The following SPEG variants were observed in gnomAD, a reference collection of about 807,000 sequenced individuals.
SPEG encodes the protein striated muscle preferentially expressed protein kinase.
A neutral mutation model predicts 300.4 loss-of-function variants in SPEG; 114 were observed. That is an observed-to-expected ratio of 0.38 (90% CI 0.33 to 0.44). The LOEUF is 0.44. SPEG is among the 20% of genes least tolerant of loss of function. The pLI is 1.00. For missense variants in SPEG, 4,201 were observed against 4,586.2 expected (o/e 0.92, Z 2.43); for synonymous variants, 1,964 against 2,018.9 (o/e 0.97, Z 0.73).
chr2:219,479,690 C>T lies in SPEG; in HGVS notation c.5086-93C>T, dbSNP rs952336633. On this transcript the variant is annotated intron_variant, in intron 23 of 40. Coordinates refer to ENST00000312358, the MANE Select transcript of SPEG (RefSeq NM_005876.5). This position sits in a 1 kb window ranked among gnomAD's most constrained non-coding sequence, Gnocchi z 5.5. ...CCTTCCACGAGCCATCTGAAGGCTA[C>T]TCCACAGGCACAGCCGGACCGCTTG... The T allele has an allele frequency of 4.3e-6, 5 of 1,168,732 alleles. No individual in the cohort carries two copies. The African/African-American group carries it at 7.5e-5, about 18-fold the overall frequency. The allele number at this position is 1,168,732 out of a possible 1,614,324, so 72.4% of individuals were successfully genotyped here.
Position 219,444,122 on chromosome 2 carries a change from C to G in SPEG, c.389-531C>G. On this transcript the variant is annotated intron_variant, in intron 1 of 40. Transcript: ENST00000312358. This position sits in a 1 kb window ranked among gnomAD's most constrained non-coding sequence, Gnocchi z 7.8. Reference sequence around the variant, plus strand: ...CCCCTTTCCCACCCGGCCCCGGCCTCTCCTCACCCTGCCTCAGCTGCACCC... The same window carrying G: ...CCCCTTTCCCACCCGGCCCCGGCCTGTCCTCACCCTGCCTCAGCTGCACCC... 3 of 1,199,954 alleles carry G rather than the reference C, an allele frequency of 2.5e-6. No individual in the cohort carries two copies. The South Asian group carries it at 3.7e-5, about 15-fold the overall frequency. The allele number at this position is 1,199,954 out of a possible 1,614,324, so 74.3% of individuals were successfully genotyped here. A position where few individuals can be genotyped will look rare whatever the true frequency, so the allele number is the denominator to read the frequency against.
At position 219,473,733 on chromosome 2, in the gene SPEG, G is replaced by T. The variant is rs767867853; in HGVS notation, c.4277G>T (p.Arg1426Leu). ...VEAQVVWRSC[R>L]GALLEARAGV... Reference sequence around the variant, plus strand: ...CCCTGTCATGTGTCCCCTAGCTGCCGAGGGGCCCTCCTAGAGGCACGGGCC... The same window carrying T: ...CCCTGTCATGTGTCCCCTAGCTGCCTAGGGGCCCTCCTAGAGGCACGGGCC... The change falls in exon 18 of 41, where the codon CGA becomes CTA. Residue 1426 changes from arginine (R) to leucine (L), a missense_variant. This residue lies in a region of SPEG where 1,047 missense variants were observed against 1,356.8 expected (regional missense o/e 0.77). Transcript: ENST00000312358. The surrounding 1 kb of genome is among the most constrained non-coding windows in gnomAD (Gnocchi z 4.6). 2.5e-6 allele frequency: 4 copies of T among 1,612,842 alleles called. 1 individual carries two copies. Among genetic ancestry groups the T allele is most frequent in the Non-Finnish European group, 3.4e-6 (4 of 1,179,240 alleles).
At chr2:219,460,281 T>A in intron 6 of SPEG, 1 of 984,600 alleles carries the variant, frequency 1.0e-6, no homozygotes, top group Non-Finnish European at 1.2e-6. Context: ...AGGGCAAAGA[T>A]CTTGACAGTT....
chr2:219,463,244 G>A (rs1371023987), intron 8 of SPEG, among the ~76,000 whole-genome samples: 1 of 152,010 alleles, frequency 6.6e-6, no homozygotes, highest in Non-Finnish European at 1.5e-5. Flanking sequence ...TTGTTTCTGA[G>A]CTGCCAGCAG....
chr2:219,480,616 C>T lies in SPEG; in HGVS notation c.5343-55C>T. ...AGGTCAGCAGTAGCAAAGAACTGCT[C>T]CCTTCCAGTCAGAGAGGGGCGGTCC... On this transcript the variant is annotated intron_variant, in intron 25 of 40. Transcript: ENST00000312358. This position sits in a 1 kb window ranked among gnomAD's most constrained non-coding sequence, Gnocchi z 5.3. The T allele has an allele frequency of 6.3e-7, 1 of 1,595,704 alleles. No individual in the cohort carries two copies. Among genetic ancestry groups the T allele is most frequent in the South Asian group, 1.1e-5 (1 of 90,734 alleles).
Position 219,479,787 on chromosome 2 carries a change from G to A in SPEG, c.5090G>A (p.Arg1697Gln), listed in dbSNP as rs1005172516. 2.3e-5 allele frequency: 37 copies of A among 1,613,690 alleles called. No individual in the cohort carries two copies. The highest frequency in any genetic ancestry group is 1.3e-4 in the East Asian group (6 of 44,890). ...CTGGGCCCACTATTTCCACAGATCC[G>A]GGCCTATATGCGGCAGGTGCTAGAG... ...RKPTVCESEI[R>Q]AYMRQVLEGI... The change falls in exon 24 of 41, where the codon CGG (arginine) becomes CAG (glutamine). Residue 1697 changes from arginine to glutamine, a missense_variant. Physicochemically the swap from Arg to Gln is conservative, Grantham distance 43. Around this residue, in one of 4 missense-constraint regions of SPEG, gnomAD observed 1,047 missense variants for 1,356.8 expected, o/e 0.77. Transcript: ENST00000312358. The surrounding 1 kb of genome is among the most constrained non-coding windows in gnomAD (Gnocchi z 5.5).
In SPEG at chr2:219,484,676, C is replaced by T. The variant is rs975412602; in HGVS notation, c.7213C>T (p.Leu2405Phe). Residue 2405 changes from leucine to phenylalanine, a missense_variant, in exon 30 of 41, where the codon CTC (leucine) becomes TTC (phenylalanine). By Grantham distance (22) the Leu-to-Phe change is conservative (BLOSUM62 0). This residue lies in a region of SPEG where 1,578 missense variants were observed against 1,506.0 expected (regional missense o/e 1.05). Coordinates refer to ENST00000312358, the MANE Select transcript of SPEG (RefSeq NM_005876.5). ...CCTCAGGGCTGTCGGAGAGCCTGGCCTCGTCCGCCGCCTCTCGCTGTCACT... is the reference window on the plus strand; with the variant it reads ...CCTCAGGGCTGTCGGAGAGCCTGGCTTCGTCCGCCGCCTCTCGCTGTCACT... ...QDLRAVGEPG[L>F]VRRLSLSLSQ... 3 of 1,521,888 alleles carry T rather than the reference C, an allele frequency of 2.0e-6. No individual in the cohort carries two copies. Among genetic ancestry groups the T allele is most frequent in the Non-Finnish European group, 2.6e-6 (3 of 1,142,448 alleles). 94.3% of individuals were successfully genotyped at this position (1,521,888 alleles called of 1,614,324 possible). A position where few individuals can be genotyped will look rare whatever the true frequency, so the allele number is the denominator to read the frequency against.
intron 9 of SPEG, chr2:219,465,804 T>G: frequency 1.7e-6 from 1 of 594,358 alleles, no homozygotes; most frequent in Non-Finnish European, 3.0e-6. Flanking sequence ...TGCCTGTGCG[T>G]GCATGTGTGC....
intron 9 of SPEG, chr2:219,465,952 TGTGTGC>T: frequency 4.4e-6 from 4 of 906,134 alleles, no homozygotes; most frequent in South Asian, 1.5e-5. Flanking sequence ...TGTGCGTGCA[TGTGTGC>T]GTGTGCATGC....
chr2:219,491,039 A>C, intron 38 of SPEG, 83 bp downstream of exon 38: 1 of 1,004,232 alleles, frequency 1.0e-6, no homozygotes, highest in Non-Finnish European at 1.5e-6. Flanking sequence ...CTTCACTTAC[A>C]TATGTGCCAC....
chr2:219,491,717 A>AGCACCCAGGGACCTCCCCC (rs1473479692), intron 38 of SPEG, 77 bp from the exon 39 acceptor site: 12 of 1,146,790 alleles, frequency 1.0e-5, no homozygotes, highest in African/African-American at 1.5e-5. Flanking sequence ...CTGCTGCTCA[A>AGCACCCAGGGACCTCCCCC]GCACCCAGGG....
chr2:219,476,737 C>T, intron 18 of SPEG, 133 bp from the exon 19 acceptor site: 1 of 574,296 alleles, frequency 1.7e-6, no homozygotes, highest in Non-Finnish European at 2.9e-6. Flanking sequence ...GGGGTGGTGG[C>T]TTGCAGGGAG....
Position 219,464,337 on chromosome 2 carries a change from A to T in SPEG, c.2706-96A>T. The T allele has an allele frequency of 7.6e-7, 1 of 1,316,486 alleles. No individual in the cohort carries two copies. Among genetic ancestry groups the T allele is most frequent in the East Asian group, 2.3e-5 (1 of 42,758 alleles). 81.6% of individuals were successfully genotyped at this position (1,316,486 alleles called of 1,614,324 possible). A position where few individuals can be genotyped will look rare whatever the true frequency, so the allele number is the denominator to read the frequency against. Reference sequence around the variant, plus strand: ...GATCTGGGGACTGGGCAAACTGCACAGGGAAGGAGAGGCCTGCACAGTGCT... The same window carrying T: ...GATCTGGGGACTGGGCAAACTGCACTGGGAAGGAGAGGCCTGCACAGTGCT... On this transcript the variant is annotated intron_variant, in intron 8 of 40. Transcript: ENST00000312358. This position sits in a 1 kb window ranked among gnomAD's most constrained non-coding sequence, Gnocchi z 4.5.
intron 29 of SPEG, 122 bp from the exon 30 acceptor site, chr2:219,482,976 C>T: frequency 7.1e-7 from 1 of 1,408,966 alleles, no homozygotes; most frequent in Non-Finnish European, 9.8e-7. Flanking sequence ...CCATGCCTAG[C>T]TTCCTGCCTG....
chr2:219,478,197 A>C, intron 22 of SPEG, 92 bp downstream of exon 22: 2 of 1,121,610 alleles, frequency 1.8e-6, no homozygotes, highest in Non-Finnish European at 2.6e-6. Flanking sequence ...ACAGTTTACA[A>C]AGTAGTCCCA....
intron 1 of SPEG, among the ~76,000 whole-genome samples, chr2:219,442,634 A>C (rs1575037443): frequency 1.2e-4 from 3 of 24,988 alleles, no homozygotes; most frequent in African/African-American, 1.6e-4. Context: ...CTTGACACCT[A>C]CCCAGGTTTC....
rs749098240 is a variant in SPEG, at chr2:219,485,492, G to A, written c.7741+15G>A. 2.6e-6 allele frequency: 4 copies of A among 1,542,202 alleles called. No individual in the cohort carries two copies. The South Asian group carries it at 3.7e-5, about 14-fold the overall frequency. ...CAGTGAGTCAGGTAATAAGAGGCCT[G>A]CTGGGTGAGGACCCTCCTCCCCTCC... On this transcript the variant is annotated intron_variant, in intron 31 of 40. Coordinates refer to ENST00000312358, the MANE Select transcript of SPEG (RefSeq NM_005876.5).
chr2:219,482,493 C>T, intron 28 of SPEG: 1 of 390,634 alleles, frequency 2.6e-6, no homozygotes, highest in Non-Finnish European at 4.7e-6. Flanking sequence ...AGCTGGTTTA[C>T]CAGGACAGGG....
In SPEG at chr2:219,480,605, A is replaced by G; in HGVS notation, c.5343-66A>G. 1 of 1,561,508 alleles carries G rather than the reference A, an allele frequency of 6.4e-7. No homozygotes were observed. Among genetic ancestry groups the G allele is most frequent in the Non-Finnish European group, 8.8e-7 (1 of 1,132,250 alleles). The stretch of plus-strand genomic sequence containing the variant: ...ACAGCTCACTCAGGTCAGCAGTAGC[A>G]AAGAACTGCTCCCTTCCAGTCAGAG... On this transcript the variant is annotated intron_variant, in intron 25 of 40. Coordinates refer to ENST00000312358, the MANE Select transcript of SPEG (RefSeq NM_005876.5). The surrounding 1 kb of genome is among the most constrained non-coding windows in gnomAD (Gnocchi z 5.3).
Sources: gnomAD v4.1 joint callset for allele counts (sites outside exome capture counted in the v4.1 genomes callset) on GRCh38, gnomAD v4.1.1 for gene constraint, gnomAD v4.1.1 regional missense constraint, Gnocchi (gnomAD v3.1) non-coding constraint, MANE v1.5 for transcripts, NCBI Gene and HGNC (gene_info 2026-07-23, HGNC 2026-07-21) for gene names.